Variants in CFAP221 observed in about 807,000 individuals in gnomAD.
The protein encoded by CFAP221 is cilia- and flagella-associated protein 221.
CFAP221 carries 97 observed loss-of-function variants against 113.1 expected under a neutral mutation model. The observed-to-expected ratio is 0.86, with a 90% CI of 0.73 to 1.02. The LOEUF (loss-of-function observed/expected upper bound fraction) is 1.02. Ranked by LOEUF, CFAP221 falls within the 50% of genes least tolerant of loss-of-function variation. CFAP221 has a pLI of 0.00. For synonymous variants in CFAP221, 331 were observed against 354.4 expected, an observed-to-expected ratio of 0.93 and a Z score of 0.74; for missense variants, 1,025 against 1,013.4, an observed-to-expected ratio of 1.01 and a Z score of -0.16.
At chr2:119,583,355 A>G (rs1574057821) in intron 6 of CFAP221, among the ~76,000 whole-genome samples, 1 of 150,578 alleles carries the variant, frequency 6.6e-6, no homozygotes. Flanking sequence ...AAAAAAATAC[A>G]TGAATTACAA....
chr2:119,559,813 G>A (rs1379034047), intron 4 of CFAP221, 38 bp downstream of exon 4: 1 of 1,490,060 alleles, frequency 6.7e-7, no homozygotes, highest in Non-Finnish European at 9.0e-7. Flanking sequence ...CCACGGTGTG[G>A]TTGTCTGCGT....
intron 7 of CFAP221, among the ~76,000 whole-genome samples, chr2:119,595,998 G>A (rs974837273): frequency 4.6e-5 from 7 of 152,242 alleles, no homozygotes; most frequent in African/African-American, 1.4e-4. Flanking sequence ...AGCAAGGGGA[G>A]CAGTGTGCAA....
rs149211134 is a variant in CFAP221 at position 119,647,076 on chromosome 2, G to A, written c.2318+26G>A. ...GTATTTTTTTTTTTTTTAATCTTTG[G>A]CCTCTAATGTGGTCTGTTTTCCAAA... On this transcript the variant is annotated intron_variant, in intron 22 of 23. Transcript: ENST00000413369. 1.7e-4 allele frequency: 261 copies of A among 1,576,912 alleles called. 2 individuals are homozygous for A. The African/African-American group carries it at 3.0e-3, about 18-fold the overall frequency.
At chr2:119,581,676 G>T (rs1682855848) in intron 6 of CFAP221, among the ~76,000 whole-genome samples, 1 of 152,142 alleles carries the variant, frequency 6.6e-6, no homozygotes. Context: ...AAGCTTTTCA[G>T]AATTAAAGAT....
rs191247411 is a variant in CFAP221, at chr2:119,621,847, A to G, written c.1411-3736A>G. Among the ~76,000 whole-genome samples, 399 of 152,362 alleles carry G rather than the reference A, an allele frequency of 2.6e-3. 1 individual carries two copies. Among genetic ancestry groups the G allele is most frequent in the African/African-American group, 9.1e-3 (378 of 41,588 alleles). On this transcript the variant is annotated intron_variant, in intron 14 of 23. Coordinates refer to ENST00000413369, the MANE Select transcript of CFAP221 (RefSeq NM_001271049.2). ...AAGTTATTTGAAACCAATGAGAACA[A>G]AGACACAACATACCAGAATCTCTGG...
At chr2:119,639,983 A>G in intron 21 of CFAP221, 111 bp downstream of exon 21, 2 of 901,098 alleles carry the variant, frequency 2.2e-6, no homozygotes, top group Non-Finnish European at 3.4e-6. Context: ...CTTTTAAAGC[A>G]TGAGAGAAGT....
intron 11 of CFAP221, among the ~76,000 whole-genome samples, chr2:119,606,432 G>C (rs958058441): frequency 6.6e-6 from 1 of 152,018 alleles, no homozygotes; most frequent in Non-Finnish European, 1.5e-5. Flanking sequence ...GGTGCCCACC[G>C]GGCTGCTCCC....
intron 23 of CFAP221, among the ~76,000 whole-genome samples, chr2:119,654,425 A>G (rs780854637): frequency 6.6e-6 from 1 of 152,162 alleles, no homozygotes; most frequent in Non-Finnish European, 1.5e-5. Context: ...TTCTACTTCA[A>G]ATATTACCTC....
At chr2:119,621,330 CAAG>C (rs1323440421) in intron 14 of CFAP221, among the ~76,000 whole-genome samples, 5 of 151,904 alleles carry the variant, frequency 3.3e-5, no homozygotes, top group African/African-American at 1.2e-4. Context: ...GGGATCAACA[CAAG>C]AAGAGTTAAC....
rs772263027 is a variant in CFAP221 at position 119,630,668 on chromosome 2, A to G, written c.1830A>G (p.Gln610=). 11 of 1,612,266 alleles carry G rather than the reference A, an allele frequency of 6.8e-6. No individual in the cohort carries two copies. In the South Asian group the frequency reaches 1.1e-4, roughly 16 times the overall value. ...AAAAGCTTGCCCGAGCCCTAAAGCAAGGAGCTGAGGTAACACACCCCCATC... is the reference window on the plus strand; with the variant it reads ...AAAAGCTTGCCCGAGCCCTAAAGCAGGGAGCTGAGGTAACACACCCCCATC... ...RPQKLARALK[Q]GAEDEVTTIT... Residue 610 remains glutamine (Q), a synonymous_variant, in exon 18 of 24, where the codon CAA becomes CAG. Coordinates refer to ENST00000413369, the MANE Select transcript of CFAP221 (RefSeq NM_001271049.2).
chr2:119,555,302 A>G (rs985232011), intron 3 of CFAP221, among the ~76,000 whole-genome samples: 1 of 152,182 alleles, frequency 6.6e-6, no homozygotes, highest in Non-Finnish European at 1.5e-5. Flanking sequence ...GTCAGCTCCC[A>G]GGGGAACAGA....
At position 119,656,199 on chromosome 2, in the gene CFAP221, G is replaced by C. The variant is rs945977351; in HGVS notation, c.2415-163G>C. 3 of 596,678 alleles carry C rather than the reference G, an allele frequency of 5.0e-6. No individual in the cohort carries two copies. The South Asian group carries it at 5.9e-5, about 12-fold the overall frequency. The allele number at this position is 596,678 out of a possible 1,614,324, so 37.0% of individuals were successfully genotyped here. On this transcript the variant is annotated intron_variant, in intron 23 of 23. Transcript: ENST00000413369. The stretch of plus-strand genomic sequence containing the variant: ...CAGGTTTGAATCATTCATAAGCTGA[G>C]TGTTTTCACTGGTAAGTAAACTATC...
downstream of CFAP221, among the ~76,000 whole-genome samples, chr2:119,657,274 A>G: frequency 6.6e-6 from 1 of 152,184 alleles, no homozygotes; most frequent in South Asian, 2.1e-4. Context: ...TGTAGTCTTC[A>G]TTAACTCATT....
At chr2:119,580,425 A>G (rs1682768511) in intron 6 of CFAP221, 1 of 152,250 alleles carries the variant, frequency 6.6e-6, no homozygotes, top group Non-Finnish European at 1.5e-5. Flanking sequence ...CTCACAGTAC[A>G]GCTACGCTCC....
rs375932281 is a variant in CFAP221 at position 119,602,535 on chromosome 2, T to A, written c.791+1158T>A. The A allele has an allele frequency of 8.1e-4, 671 of 832,784 alleles. 6 individuals carry two copies. In the Middle Eastern group the frequency reaches 0.018, roughly 23 times the overall value. The allele number at this position is 832,784 out of a possible 1,614,324, so 51.6% of individuals were successfully genotyped here. Reference sequence around the variant, plus strand: ...ATCATTAAGCATATTACAAGTGGAGTAGCAACCTTATATCAAAATATGAAC... The same window carrying A: ...ATCATTAAGCATATTACAAGTGGAGAAGCAACCTTATATCAAAATATGAAC... On this transcript the variant is annotated intron_variant, in intron 8 of 23. Transcript: ENST00000413369.
At chr2:119,582,164 A>C (rs4340526) in intron 6 of CFAP221, among the ~76,000 whole-genome samples, 38,473 of 152,180 alleles carry the variant, frequency 0.25, 5,959 homozygotes, top group African/African-American at 0.44. Flanking sequence ...ATTTAAAAGG[A>C]ATATGCCAGC....
intron 21 of CFAP221, among the ~76,000 whole-genome samples, chr2:119,644,312 G>A (rs1021248725): frequency 6.6e-6 from 1 of 152,106 alleles, no homozygotes; most frequent in Non-Finnish European, 1.5e-5. Context: ...TAAAAACTGG[G>A]TAAGTTTTGC....
intron 6 of CFAP221, among the ~76,000 whole-genome samples, chr2:119,569,286 T>G (rs1681875376): frequency 6.6e-6 from 1 of 151,972 alleles, no homozygotes; most frequent in Admixed American, 6.6e-5. Flanking sequence ...ACCCAGCTAA[T>G]TTTTTGTATT....
intron 3 of CFAP221, among the ~76,000 whole-genome samples, chr2:119,550,468 G>C (rs964961039): frequency 6.6e-6 from 1 of 152,166 alleles, no homozygotes; most frequent in Admixed American, 6.5e-5. Flanking sequence ...TTAGGAAAAG[G>C]ATTAGGATTT....
Sources: allele counts gnomAD v4.1 joint callset (sites outside exome capture counted in the v4.1 genomes callset), GRCh38; gene constraint gnomAD v4.1.1; transcripts MANE v1.5; gene names NCBI Gene and HGNC (gene_info 2026-07-23, HGNC 2026-07-21).